PLAT: variants seen among roughly 807,000 people sequenced by gnomAD.
PLAT encodes plasminogen activator, tissue type.
A neutral mutation model predicts 74.9 loss-of-function variants in PLAT; 48 were observed. That is an observed-to-expected ratio of 0.64 (90% CI 0.51 to 0.82). PLAT has a LOEUF of 0.82. Among genes scored for constraint, PLAT ranks in the 40% least tolerant of loss-of-function variants. The pLI is 0.00. For missense variants in PLAT, 673 were observed against 736.2 expected (o/e 0.91, Z 0.99); for synonymous variants, 307 against 294.4 (o/e 1.04, Z -0.44).
At chr8:42,190,632 G>T (rs527414114) in intron 3 of PLAT, among the ~76,000 whole-genome samples, 3 of 152,174 alleles carry the variant, frequency 2.0e-5, no homozygotes, top group South Asian at 2.1e-4. Context: ...GGTGTGACTC[G>T]CTCTGGGGAG....
At chr8:42,196,758 TAA>T (rs1805925091) in intron 1 of PLAT, among the ~76,000 whole-genome samples, 1 of 151,746 alleles carries the variant, frequency 6.6e-6, no homozygotes, top group Admixed American at 6.6e-5. Flanking sequence ...CTCATTTTTA[TAA>T]ATAGACTTCT....
rs534863394 is a variant in PLAT at position 42,178,965 on chromosome 8, C to G, written c.1462G>C (p.Asp488His). The stretch of plus-strand genomic sequence containing the variant: ...GTGTCTCCAGCACACAGCATGTTGT[C>G]GGTGACTGTTCTGTTAAGTAAATGT... Reference protein sequence around the residue: ...SQHLLNRTVTDNMLCAGDTRS... With the variant: ...SQHLLNRTVTHNMLCAGDTRS... The change falls in exon 13 of 14, where the codon GAC becomes CAC. Residue 488 changes from aspartate (D) to histidine (H), a missense_variant. By Grantham distance (81) the Asp-to-His change is moderately conservative (BLOSUM62 -1). Coordinates refer to ENST00000220809, the MANE Select transcript of PLAT (RefSeq NM_000930.5). 1 of 1,614,116 alleles carries G rather than the reference C, an allele frequency of 6.2e-7. No homozygotes were observed. Among genetic ancestry groups the G allele is most frequent in the Middle Eastern group, 1.7e-4 (1 of 6,040 alleles).
In PLAT at chr8:42,189,003, T is replaced by C; in HGVS notation, c.184A>G (p.Arg62Gly). ...QHQSWLRPVLRSNRVEYCWCN... is the reference protein window; with the variant it reads ...QHQSWLRPVLGSNRVEYCWCN... ...CAGCAATATTCCACCCGGTTGCTTC[T>C]GAGCACAGGGCGCAGCCATGACTGA... The change falls in exon 4 of 14, where the codon AGA (arginine) becomes GGA (glycine). Residue 62 changes from arginine (R) to glycine (G), a missense_variant. Transcript: ENST00000220809. 6.2e-7 allele frequency: 1 copy of C among 1,614,124 alleles called. No homozygotes were observed. The highest frequency in any genetic ancestry group is 1.1e-5 in the South Asian group (1 of 91,086).
chr8:42,182,341 G>T, intron 8 of PLAT: 1 of 213,334 alleles, frequency 4.7e-6, no homozygotes, highest in Admixed American at 7.8e-5. Flanking sequence ...CCCCACCCTA[G>T]GAGAACTTCT....
chr8:42,187,240 TCTATCAC>T, intron 6 of PLAT, 151 bp downstream of exon 6: 1 of 554,002 alleles, frequency 1.8e-6, no homozygotes, highest in Non-Finnish European at 3.1e-6. Flanking sequence ...CAATCTATCA[TCTATCAC>T]CTATCATCTA....
rs762271481 is a variant in PLAT, at chr8:42,175,996, C to T, written c.1686G>A (p.Pro562=). 6.2e-6 allele frequency: 10 copies of T among 1,613,780 alleles called. No individual in the cohort carries two copies. The highest frequency in any genetic ancestry group is 2.7e-5 in the African/African-American group (2 of 74,900). Residue 562 remains proline, a synonymous_variant, in exon 14 of 14, where the codon CCG becomes CCA. Coordinates refer to ENST00000220809, the MANE Select transcript of PLAT (RefSeq NM_000930.5). ...TTGAGGAGTCGGGTGTTCCTGGTCACGGTCGCATGTTGTCACGAATCCAGT... is the reference window on the plus strand; with the variant it reads ...TTGAGGAGTCGGGTGTTCCTGGTCATGGTCGCATGTTGTCACGAATCCAGT... ...YLDWIRDNMR[P] is the part of the protein sequence containing the mutation.
rs1325566918 is a variant in PLAT at position 42,179,951 on chromosome 8, G to A, written c.1338C>T (p.Leu446=). 2 of 1,604,636 alleles carry A rather than the reference G, an allele frequency of 1.2e-6. No individual in the cohort carries two copies. Among genetic ancestry groups the A allele is most frequent in the Non-Finnish European group, 1.7e-6 (2 of 1,174,370 alleles). Reference sequence around the variant, plus strand: ...AGGCCTCATGCTTGCCGTAGCCGGAGAGCTCACACTCCGTCCAGTCCGGCA... The same window carrying A: ...AGGCCTCATGCTTGCCGTAGCCGGAAAGCTCACACTCCGTCCAGTCCGGCA... The part of the protein sequence containing the change: ...LQLPDWTECE[L]SGYGKHEALS... Residue 446 remains leucine (L), a synonymous_variant, in exon 12 of 14, where the codon CTC becomes CTT. Coordinates refer to ENST00000220809, the MANE Select transcript of PLAT (RefSeq NM_000930.5).
chr8:42,181,771 C>T (rs13306818), intron 9 of PLAT, among the ~76,000 whole-genome samples, 166 bp downstream of exon 9: 3 of 151,260 alleles, frequency 2.0e-5, no homozygotes, highest in African/African-American at 7.3e-5. Flanking sequence ...CATGGACACC[C>T]GCCCACCCAC....
chr8:42,185,329 T>C lies in PLAT; in HGVS notation c.540-157A>G. ...TCCCAGGCTGGAGTGCAGCGGCGCA[T>C]CTCCTCTCACTGCAACCTCCGTTTC... On this transcript the variant is annotated intron_variant, in intron 6 of 13. Coordinates refer to ENST00000220809, the MANE Select transcript of PLAT (RefSeq NM_000930.5). 6.6e-6 allele frequency: 3 copies of C among 455,936 alleles called. No homozygotes were observed. The South Asian group carries it at 1.3e-4, about 20-fold the overall frequency. The allele number at this position is 455,936 out of a possible 1,614,324, so 28.2% of individuals were successfully genotyped here.
Position 42,191,398 on chromosome 8 carries a change from A to T in PLAT, c.89T>A (p.Phe30Tyr), listed in dbSNP as rs1587937924. ...TTGGTAAGATCTGGCTCCTCTTCTG[A>T]ATCGGGCATGGATTTCCTGCGAAGA... ...VSPSQEIHARFRRGARSYQVI... is the reference protein window; with the variant it reads ...VSPSQEIHARYRRGARSYQVI... Residue 30 changes from phenylalanine to tyrosine, a missense_variant, in exon 3 of 14, where the codon TTC (phenylalanine) becomes TAC (tyrosine). By Grantham distance (22) the Phe-to-Tyr change is conservative. Transcript: ENST00000220809. 1.2e-6 allele frequency: 2 copies of T among 1,614,054 alleles called. No individual in the cohort carries two copies. Among genetic ancestry groups the T allele is most frequent in the Non-Finnish European group, 1.7e-6 (2 of 1,179,988 alleles).
At chr8:42,199,871 G>A (rs531123035) in intron 1 of PLAT, among the ~76,000 whole-genome samples, 5 of 152,308 alleles carry the variant, frequency 3.3e-5, no homozygotes, top group East Asian at 3.9e-4. Context: ...GTCATCTTCC[G>A]TGATGAAGGT....
Position 42,180,752 on chromosome 8 carries a change from G to A in PLAT, c.890-67C>T, listed in dbSNP as rs1451246674. 13 of 1,224,776 alleles carry A rather than the reference G, an allele frequency of 1.1e-5. No homozygotes were observed. In the South Asian group the frequency reaches 1.5e-4, roughly 14 times the overall value. The allele number at this position is 1,224,776 out of a possible 1,614,324, so 75.9% of individuals were successfully genotyped here. Reference sequence around the variant, plus strand: ...TCCTGCACGTGTGTAGGTAGAGTGAGGAGGCCATCAGCATGGCTGTAAAAC... The same window carrying A: ...TCCTGCACGTGTGTAGGTAGAGTGAAGAGGCCATCAGCATGGCTGTAAAAC... On this transcript the variant is annotated intron_variant, in intron 9 of 13. Transcript: ENST00000220809.
Position 42,180,307 on chromosome 8 carries a change from T to A in PLAT, c.1157A>T (p.Lys386Ile). Reference sequence around the variant, plus strand: ...GACAATGTATTTTTCGACTTCAAATTTCTGCTCCTCCTCGCCAGGGACCAC... The same window carrying A: ...GACAATGTATTTTTCGACTTCAAATATCTGCTCCTCCTCGCCAGGGACCAC... ...YRVVPGEEEQ[K>I]FEVEKYIVHK... The change falls in exon 11 of 14, where the codon AAA (lysine) becomes ATA (isoleucine). Residue 386 changes from lysine to isoleucine, a missense_variant. Lys to Ile is a moderately radical substitution (Grantham distance 102, BLOSUM62 -3). Transcript: ENST00000220809. The A allele has an allele frequency of 6.2e-7, 1 of 1,614,200 alleles. No homozygotes were observed. The highest frequency in any genetic ancestry group is 8.5e-7 in the Non-Finnish European group (1 of 1,179,990).
In PLAT at chr8:42,203,323, A is replaced by G. The variant is rs543552439; in HGVS notation, c.-27+4171T>C. Among the ~76,000 whole-genome samples the G allele has an allele frequency of 3.9e-5, 6 of 152,322 alleles. No individual in the cohort carries two copies. In the South Asian group the frequency reaches 1.2e-3, roughly 32 times the overall value. ...GAGCATCGCGTGGTCACCCATGCAC[A>G]TCGGCTGGGCCTGTTAGCCAAGTCG... On this transcript the variant is annotated intron_variant, in intron 1 of 13. Transcript: ENST00000220809.
At chr8:42,204,726 AAAG>A (rs1287228225) in intron 1 of PLAT, among the ~76,000 whole-genome samples, 2 of 151,710 alleles carry the variant, frequency 1.3e-5, no homozygotes, top group Non-Finnish European at 2.9e-5. Context: ...AAAAAAAAAA[AAAG>A]AAAAGAAAAA....
rs1259212803 is a variant in PLAT, at chr8:42,193,136, G to A, written c.50C>T (p.Ala17Val). ...AACCTGGCTGGGCGAAACGAAGACT[G>A]CTCCACACAGCAGCAGCACACAGCA... is the stretch of plus-strand genomic sequence containing the variant. ...GLCCVLLLCGAVFVSPSQEIH... is the reference protein window; with the variant it reads ...GLCCVLLLCGVVFVSPSQEIH... The change falls in exon 2 of 14, where the codon GCA becomes GTA. Residue 17 changes from alanine (A) to valine (V), a missense_variant. By Grantham distance (64) the Ala-to-Val change is moderately conservative (BLOSUM62 0). Transcript: ENST00000220809. The A allele has an allele frequency of 6.2e-7, 1 of 1,613,374 alleles. No individual in the cohort carries two copies. The highest frequency in any genetic ancestry group is 8.5e-7 in the Non-Finnish European group (1 of 1,179,464).
rs756918378 is a variant in PLAT, at chr8:42,179,961, T to A, written c.1328A>T (p.Glu443Val). The A allele has an allele frequency of 6.2e-7, 1 of 1,607,382 alleles. No individual in the cohort carries two copies. Among genetic ancestry groups the A allele is most frequent in the Non-Finnish European group, 8.5e-7 (1 of 1,176,522 alleles). Reference sequence around the variant, plus strand: ...CTTGCCGTAGCCGGAGAGCTCACACTCCGTCCAGTCCGGCAGCTGCAGGTC... The same window carrying A: ...CTTGCCGTAGCCGGAGAGCTCACACACCGTCCAGTCCGGCAGCTGCAGGTC... ...PADLQLPDWT[E>V]CELSGYGKHE... The change falls in exon 12 of 14, where the codon GAG becomes GTG. Residue 443 changes from glutamate to valine, a missense_variant. Coordinates refer to ENST00000220809, the MANE Select transcript of PLAT (RefSeq NM_000930.5).
chr8:42,192,005 T>TC (rs1240561176), intron 2 of PLAT, among the ~76,000 whole-genome samples: 3 of 148,480 alleles, frequency 2.0e-5, no homozygotes, highest in African/African-American at 7.4e-5. Flanking sequence ...CCTTTTTCTT[T>TC]TTTTTTTTTT....
intron 1 of PLAT, among the ~76,000 whole-genome samples, chr8:42,196,093 G>C (rs1449501590): frequency 6.6e-6 from 1 of 152,216 alleles, no homozygotes; most frequent in Non-Finnish European, 1.5e-5. Context: ...GCAATGTGAA[G>C]AGTGCAGTAT....
Sources: allele counts gnomAD v4.1 joint callset (sites outside exome capture counted in the v4.1 genomes callset), GRCh38; gene constraint gnomAD v4.1.1; transcripts MANE v1.5; gene names NCBI Gene and HGNC (gene_info 2026-07-23, HGNC 2026-07-21).